Variants in CCDC150 observed in about 807,000 individuals in gnomAD.
CCDC150 encodes the protein coiled-coil domain-containing protein 150.
CCDC150 carries 151 observed loss-of-function variants against 156.5 expected under a neutral mutation model. That is an observed-to-expected ratio of 0.97 (90% confidence interval 0.85 to 1.10). The LOEUF (loss-of-function observed/expected upper bound fraction) is 1.10, where lower values mean the gene tolerates loss of function less well. Among genes scored for constraint, CCDC150 ranks in the 50% least tolerant of loss-of-function variants. The pLI is 0.00. For synonymous variants in CCDC150, 452 were observed against 429.4 expected, an observed-to-expected ratio of 1.05 and a Z score of -0.65; for missense variants, 1,312 against 1,268.1, an observed-to-expected ratio of 1.03 and a Z score of -0.53.
intron 1 of CCDC150, among the ~76,000 whole-genome samples, chr2:196,644,489 T>C (rs544022795): frequency 8.5e-5 from 13 of 152,264 alleles, no homozygotes; most frequent in African/African-American, 1.4e-4. Context: ...AGAGGCTCTT[T>C]CGTTTACTAC....
intron 21 of CCDC150, among the ~76,000 whole-genome samples, chr2:196,724,074 G>A (rs540586848): frequency 5.3e-5 from 8 of 152,296 alleles, no homozygotes; most frequent in South Asian, 2.1e-4. Context: ...TGGGACTAGC[G>A]GGAAGCAGAA....
intron 2 of CCDC150, among the ~76,000 whole-genome samples, chr2:196,648,302 A>G (rs1478241655): frequency 6.6e-6 from 1 of 152,034 alleles, no homozygotes; most frequent in Admixed American, 6.6e-5. Flanking sequence ...CCAGCTTGTT[A>G]TCTTTCATCT....
At chr2:196,669,996 T>G (rs986867222) in intron 8 of CCDC150, 120 bp downstream of exon 8, 1 of 629,394 alleles carries the variant, frequency 1.6e-6, no homozygotes, top group Admixed American at 2.9e-5. Flanking sequence ...TTAAAAAGTT[T>G]CATGTAAATG....
intron 13 of CCDC150, 82 bp downstream of exon 13, chr2:196,677,443 A>G: frequency 2.2e-6 from 2 of 922,776 alleles, no homozygotes; most frequent in South Asian, 3.0e-5. Context: ...CTTAATGAGG[A>G]GATGGCTGAT....
At chr2:196,725,948 T>G in intron 21 of CCDC150, 25 bp from the exon 22 acceptor site, 2 of 1,570,226 alleles carry the variant, frequency 1.3e-6, no homozygotes, top group Non-Finnish European at 1.7e-6. Flanking sequence ...TAAAGGTGAC[T>G]TATCACCTCT....
chr2:196,667,345 CTT>C (rs1693909356), intron 7 of CCDC150: 1 of 163,526 alleles, frequency 6.1e-6, no homozygotes, highest in Non-Finnish European at 1.3e-5. Context: ...TTAATCTCCT[CTT>C]TTTATAGATG....
chr2:196,732,762 T>G lies in CCDC150; in HGVS notation c.*200T>G, dbSNP rs899226186. 50 of 388,532 alleles carry G rather than the reference T, an allele frequency of 1.3e-4. No homozygotes were observed. Among genetic ancestry groups the G allele is most frequent in the Non-Finnish European group, 2.3e-4 (49 of 214,832 alleles). 24.1% of individuals were successfully genotyped at this position (388,532 alleles called of 1,614,324 possible). ...CCTTTTTTTGTCCCTTTTCACATTT[T>G]CCACCCAATAAATTTGTGTTAATTT... On this transcript the variant is annotated 3_prime_UTR_variant, in exon 28 of 28. Coordinates refer to ENST00000389175, the MANE Select transcript of CCDC150 (RefSeq NM_001080539.2).
chr2:196,664,930 G>A (rs531940760), intron 5 of CCDC150, among the ~76,000 whole-genome samples: 1 of 152,164 alleles, frequency 6.6e-6, no homozygotes, highest in Non-Finnish European at 1.5e-5. Context: ...TTGAGTGTCG[G>A]TTTGGTCTGC....
At chr2:196,722,274 TTTTA>T (rs1010643924) in intron 21 of CCDC150, among the ~76,000 whole-genome samples, 1 of 152,064 alleles carries the variant, frequency 6.6e-6, no homozygotes, top group Non-Finnish European at 1.5e-5. Flanking sequence ...CTTTATTCCT[TTTTA>T]TTTATTTATT....
At chr2:196,645,057 G>A (rs1480469536) in intron 1 of CCDC150, among the ~76,000 whole-genome samples, 1 of 152,132 alleles carries the variant, frequency 6.6e-6, no homozygotes, top group Non-Finnish European at 1.5e-5. Flanking sequence ...TTAGGAGGTG[G>A]AGGTTGCAGT....
intron 1 of CCDC150, among the ~76,000 whole-genome samples, chr2:196,643,267 C>T (rs1188194158): frequency 6.6e-6 from 1 of 152,208 alleles, no homozygotes; most frequent in African/African-American, 2.4e-5. Flanking sequence ...TATAAACCTC[C>T]TTCCCCTCAG....
chr2:196,717,952 G>T (rs1352741382), intron 17 of CCDC150, among the ~76,000 whole-genome samples: 1 of 152,040 alleles, frequency 6.6e-6, no homozygotes, highest in South Asian at 2.1e-4. Flanking sequence ...AACATCCTGT[G>T]AGCCTAAAAT....
intron 14 of CCDC150, among the ~76,000 whole-genome samples, chr2:196,699,923 TG>T (rs1314456627): frequency 6.6e-6 from 1 of 152,176 alleles, no homozygotes; most frequent in Non-Finnish European, 1.5e-5. Flanking sequence ...TAGAAGCAGG[TG>T]TGGTAGGTTC....
intron 4 of CCDC150, among the ~76,000 whole-genome samples, chr2:196,657,993 G>T (rs889200357): frequency 6.6e-6 from 1 of 152,172 alleles, no homozygotes; most frequent in African/African-American, 2.4e-5. Context: ...ATATTAGCTA[G>T]CAATGACATT....
chr2:196,726,149 G>T, intron 22 of CCDC150, 50 bp downstream of exon 22: 1 of 1,599,528 alleles, frequency 6.3e-7, no homozygotes. Flanking sequence ...CTTAGGATAA[G>T]CAGCTCAAGG....
intron 13 of CCDC150, among the ~76,000 whole-genome samples, chr2:196,690,561 A>T (rs183206625): frequency 5.9e-5 from 9 of 152,122 alleles, no homozygotes; most frequent in Admixed American, 5.9e-4. Context: ...AGATAAGCTG[A>T]TAAGAGTTCT....
At chr2:196,710,467 C>G (rs543173195) in intron 15 of CCDC150, among the ~76,000 whole-genome samples, 2 of 152,304 alleles carry the variant, frequency 1.3e-5, no homozygotes, top group East Asian at 3.9e-4. Context: ...CCGGGTGAGG[C>G]GATGCCCTGC....
chr2:196,670,549 C>CTT (rs563681921), intron 8 of CCDC150, among the ~76,000 whole-genome samples: 10 of 140,500 alleles, frequency 7.1e-5, no homozygotes, highest in African/African-American at 1.3e-4. Context: ...AGAAAACTAG[C>CTT]TTTTTTTTTT....
chr2:196,720,699 T>C (rs1697829712), intron 20 of CCDC150, 31 bp downstream of exon 20: 11 of 1,571,432 alleles, frequency 7.0e-6, no homozygotes, highest in African/African-American at 1.4e-5. Context: ...AATGATAACA[T>C]TGATATTTTT....
Sources: allele counts gnomAD v4.1 joint callset (sites outside exome capture counted in the v4.1 genomes callset), GRCh38; gene constraint gnomAD v4.1.1; transcripts MANE v1.5; gene names NCBI Gene and HGNC (gene_info 2026-07-23, HGNC 2026-07-21).